The following TENM4 variants were observed in gnomAD, a reference collection of about 807,000 sequenced individuals.
The protein encoded by TENM4 is teneurin-4.
TENM4 carries 82 observed loss-of-function variants against 243.3 expected under a neutral mutation model. That is an observed-to-expected ratio of 0.34 (90% CI 0.28 to 0.40). The LOEUF (loss-of-function observed/expected upper bound fraction) is 0.40. TENM4 is among the 10% of genes least tolerant of loss of function. The pLI is 1.00. For missense variants in TENM4, 3,138 were observed against 3,673.3 expected (o/e 0.85, Z 3.77); for synonymous variants, 1,412 against 1,456.3 (o/e 0.97, Z 0.69).
chr11:78,897,076 T>A (rs1462522711), intron 7 of TENM4, among the ~76,000 whole-genome samples: 2 of 152,148 alleles, frequency 1.3e-5, no homozygotes, highest in African/African-American at 2.4e-5. Context: ...CTGCTTTCCT[T>A]TGGGGAGTCT....
intron 17 of TENM4, among the ~76,000 whole-genome samples, chr11:78,775,985 T>C (rs1426607509): frequency 6.6e-6 from 1 of 152,232 alleles, no homozygotes; most frequent in African/African-American, 2.4e-5. Flanking sequence ...ATGGATTCTA[T>C]GCAATACACT....
chr11:79,432,179 T>C (rs938452306), intron 1 of TENM4, among the ~76,000 whole-genome samples: 12 of 152,206 alleles, frequency 7.9e-5, no homozygotes, highest in Admixed American at 6.5e-4. Context: ...AGTAAAAAAC[T>C]TACATGGTCT....
chr11:79,359,888 GA>G (rs1857562419), intron 1 of TENM4, among the ~76,000 whole-genome samples: 1 of 152,130 alleles, frequency 6.6e-6, no homozygotes, highest in Non-Finnish European at 1.5e-5. Flanking sequence ...GCAGAGGCAG[GA>G]AGCTCTGTCA....
chr11:79,384,214 C>T (rs1398574573), intron 1 of TENM4, among the ~76,000 whole-genome samples: 1 of 152,216 alleles, frequency 6.6e-6, no homozygotes. Flanking sequence ...CATACAATTC[C>T]TTCATTTTCC....
intron 6 of TENM4, among the ~76,000 whole-genome samples, chr11:79,056,134 A>G (rs1019368175): frequency 2.6e-5 from 4 of 152,160 alleles, no homozygotes; most frequent in African/African-American, 7.2e-5. Context: ...ACAGGGAAAA[A>G]TGCTTCTGAA....
At chr11:79,311,273 C>A (rs559528566) in intron 1 of TENM4, among the ~76,000 whole-genome samples, 1 of 152,292 alleles carries the variant, frequency 6.6e-6, no homozygotes, top group South Asian at 2.1e-4. Context: ...AATCTCAAAC[C>A]CACCTAACCT....
chr11:79,297,328 C>T (rs1438098914), intron 2 of TENM4, among the ~76,000 whole-genome samples, 160 bp downstream of exon 2: 1 of 152,192 alleles, frequency 6.6e-6, no homozygotes, highest in Non-Finnish European at 1.5e-5. Context: ...TACTCAAATG[C>T]CTCAAACTGG....
intron 31 of TENM4, 100 bp downstream of exon 31, chr11:78,671,932 TG>T: frequency 7.2e-7 from 1 of 1,388,820 alleles, no homozygotes; most frequent in South Asian, 1.5e-5. Flanking sequence ...TTTGGTGACA[TG>T]GGTCAGATAC....
At chr11:79,349,361 G>A (rs1291461758) in intron 1 of TENM4, among the ~76,000 whole-genome samples, 1 of 152,156 alleles carries the variant, frequency 6.6e-6, no homozygotes, top group Non-Finnish European at 1.5e-5. Flanking sequence ...AAATGCTGTG[G>A]GAGGAGTTAA....
At chr11:79,303,979 T>C (rs1407230286) in intron 1 of TENM4, among the ~76,000 whole-genome samples, 1 of 151,994 alleles carries the variant, frequency 6.6e-6, no homozygotes, top group East Asian at 1.9e-4. Context: ...CAGTTGTGTG[T>C]GTTGGGCTAA....
At chr11:79,301,134 T>C (rs140494362) in intron 1 of TENM4, among the ~76,000 whole-genome samples, 2,274 of 152,304 alleles carry the variant, frequency 0.015, 57 homozygotes, top group African/African-American at 0.051. Flanking sequence ...TCTCACCACC[T>C]GAAGCCAGAA....
chr11:79,426,895 T>C (rs1209415440), intron 1 of TENM4, among the ~76,000 whole-genome samples: 1 of 152,142 alleles, frequency 6.6e-6, no homozygotes, highest in Non-Finnish European at 1.5e-5. Flanking sequence ...TACCTTTCAT[T>C]CCCCTTTTCT....
chr11:79,407,647 A>G (rs997259197), intron 1 of TENM4, among the ~76,000 whole-genome samples: 4 of 152,260 alleles, frequency 2.6e-5, no homozygotes, highest in Admixed American at 2.6e-4. Flanking sequence ...GAAGAAAAAT[A>G]TACATTTGTT....
chr11:79,327,132 AGTAAAGTGAGGTTATATAAGT>A (rs1856987652), intron 1 of TENM4, among the ~76,000 whole-genome samples: 1 of 152,216 alleles, frequency 6.6e-6, no homozygotes. Flanking sequence ...CCCCAGCCTT[AGTAAAGTGAGGTTATATAAGT>A]CAGCCAGAAG....
intron 1 of TENM4, among the ~76,000 whole-genome samples, chr11:79,420,815 G>C (rs767097354): frequency 6.6e-6 from 1 of 152,172 alleles, no homozygotes; most frequent in Non-Finnish European, 1.5e-5. Flanking sequence ...GCTGGGATGG[G>C]ACAGAGGTAG....
intron 2 of TENM4, among the ~76,000 whole-genome samples, chr11:79,217,303 C>T (rs990094565): frequency 6.6e-6 from 1 of 152,054 alleles, no homozygotes; most frequent in African/African-American, 2.4e-5. Flanking sequence ...CTTTTCCTGC[C>T]CCATACTGCC....
At chr11:78,954,384 G>A (rs1341332560) in intron 6 of TENM4, among the ~76,000 whole-genome samples, 1 of 152,210 alleles carries the variant, frequency 6.6e-6, no homozygotes, top group East Asian at 1.9e-4. Flanking sequence ...GTGTACCCAA[G>A]GGATGTGATT....
intron 2 of TENM4, among the ~76,000 whole-genome samples, chr11:79,288,672 T>C (rs1454789845): frequency 6.6e-6 from 1 of 152,228 alleles, no homozygotes; most frequent in African/African-American, 2.4e-5. Context: ...ACGTTACATC[T>C]TCTGAAAGCA....
chr11:78,786,463 G>C lies in TENM4; in HGVS notation c.2365+435C>G, dbSNP rs142478006. On this transcript the variant is annotated intron_variant, in intron 16 of 33. Coordinates refer to ENST00000278550, the MANE Select transcript of TENM4 (RefSeq NM_001098816.3). ...GGCTGCATGTACTGGGCACTCCACT[G>C]TATGCCAGCCTTTGCTAAGGTCTTC... Among the ~76,000 whole-genome samples, 36 of 152,344 alleles carry C rather than the reference G, an allele frequency of 2.4e-4. No homozygotes were observed. In the East Asian group the frequency reaches 6.6e-3, roughly 28 times the overall value.
Sources: gnomAD v4.1 joint callset for allele counts (sites outside exome capture counted in the v4.1 genomes callset) on GRCh38, gnomAD v4.1.1 for gene constraint, MANE v1.5 for transcripts, NCBI Gene and HGNC (gene_info 2026-07-23, HGNC 2026-07-21) for gene names.